Variants in PSMB6 observed in about 807,000 individuals in gnomAD.
PSMB6 encodes proteasome subunit beta type-6.
PSMB6 carries 11 observed loss-of-function variants against 28.2 expected under a neutral mutation model. The ratio of observed to expected loss-of-function variants is 0.39; its 90% CI spans 0.25 to 0.65. PSMB6 has a LOEUF of 0.65. Among genes scored for constraint, PSMB6 ranks in the 30% least tolerant of loss-of-function variants. The probability of loss-of-function intolerance (pLI) is 0.48; values close to 1 mark genes in which losing one functional copy is unlikely to be tolerated. For synonymous variants in PSMB6, 126 were observed against 117.7 expected (o/e 1.07, Z -0.45); for missense variants, 268 against 319.4 (o/e 0.84, Z 1.23).
Position 4,796,296 on chromosome 17 carries a change from G to T in PSMB6, c.102G>T (p.Gly34=). 6.4e-7 allele frequency: 1 copy of T among 1,567,630 alleles called. No homozygotes were observed. The highest frequency in any genetic ancestry group is 8.7e-7 in the Non-Finnish European group (1 of 1,155,248). The change falls in exon 1 of 6, where the codon GGG becomes GGT. Residue 34 remains glycine, a splice_region_variant and synonymous_variant. Transcript: ENST00000270586. ...GGGAAAGCCGAGAAGTTTCCACTGG[G>T]GTGAGGAAGGAATCGGGGTTCATAG... ...PDWESREVST[G]TTIMAVQFDG...
In PSMB6 at chr17:4,798,107, C is replaced by T. The variant is rs7468; in HGVS notation, c.531C>T (p.Tyr177=). The T allele has an allele frequency of 0.043, 69,741 of 1,614,108 alleles. 1,846 individuals are homozygous for T. Among genetic ancestry groups the T allele is most frequent in the East Asian group, 0.13 (6,000 of 44,884 alleles). The change falls in exon 5 of 6, where the codon TAC becomes TAT. Residue 177 remains tyrosine, a synonymous_variant. Transcript: ENST00000270586. ...TCTATGGCTATGTTGATGCTACCTACCGGGAAGGCATGACCAAGGAAGAGT... is the reference window on the plus strand; with the variant it reads ...TCTATGGCTATGTTGATGCTACCTATCGGGAAGGCATGACCAAGGAAGAGT... ...SYIYGYVDAT[Y]REGMTKEECL... is the part of the protein sequence containing the mutation.
rs748488740 is a variant in PSMB6, at chr17:4,798,152, T to C, written c.576T>C (p.Asn192=). The C allele has an allele frequency of 1.9e-6, 3 of 1,614,238 alleles. No homozygotes were observed. Among genetic ancestry groups the C allele is most frequent in the Non-Finnish European group, 2.5e-6 (3 of 1,180,034 alleles). ...AAGAGTGTCTGCAATTCACTGCCAA[T>C]GGTGAGAGCTTAGGCTTCTGGGCCT... ...TKEECLQFTA[N]ALALAMERDG... The change falls in exon 5 of 6, where the codon AAT becomes AAC. Residue 192 remains asparagine (N), a splice_region_variant and synonymous_variant. Coordinates refer to ENST00000270586, the MANE Select transcript of PSMB6 (RefSeq NM_002798.3).
At position 4,796,807 on chromosome 17, in the gene PSMB6, A is replaced by T. The variant is rs1905343937; in HGVS notation, c.170+12A>T. 6 of 1,583,546 alleles carry T rather than the reference A, an allele frequency of 3.8e-6. No individual in the cohort carries two copies. The highest frequency in any genetic ancestry group is 4.3e-6 in the Non-Finnish European group (5 of 1,152,550). ...AGAACAACCACTGGGTGAGCTCAGG[A>T]CAGATTTGTGAAAGGTCTTCCCATC... On this transcript the variant is annotated intron_variant, in intron 2 of 5. Transcript: ENST00000270586.
In PSMB6 at chr17:4,796,807, A is replaced by G; in HGVS notation, c.170+12A>G. The stretch of plus-strand genomic sequence containing the variant: ...AGAACAACCACTGGGTGAGCTCAGG[A>G]CAGATTTGTGAAAGGTCTTCCCATC... On this transcript the variant is annotated intron_variant, in intron 2 of 5. Coordinates refer to ENST00000270586, the MANE Select transcript of PSMB6 (RefSeq NM_002798.3). 6.3e-7 allele frequency: 1 copy of G among 1,583,662 alleles called. No homozygotes were observed. The highest frequency in any genetic ancestry group is 8.7e-7 in the Non-Finnish European group (1 of 1,152,542).
chr17:4,796,256 C>CA lies in PSMB6; in HGVS notation c.62_63insA (p.Phe22ValfsTer22), dbSNP rs1170484304. 1 of 1,590,674 alleles carries CA rather than the reference C, an allele frequency of 6.3e-7. No individual in the cohort carries two copies. The highest frequency in any genetic ancestry group is 8.6e-7 in the Non-Finnish European group (1 of 1,168,868). ...CCAGCACCGGCTTGGGGGCCGGAGG[C>CA]GTTCACTCCAGACTGGGAAAGCCGA... On this transcript the variant is annotated frameshift_variant, in exon 1 of 6. Transcript: ENST00000270586. LOFTEE classifies it high-confidence loss of function.
Position 4,796,257 on chromosome 17 carries a change from G to T in PSMB6, c.63G>T (p.Ala21=), listed in dbSNP as rs3169950. ...AGPAPAWGPE[A]FTPDWESREV... is the part of the protein sequence containing the mutation. Reference sequence around the variant, plus strand: ...CAGCACCGGCTTGGGGGCCGGAGGCGTTCACTCCAGACTGGGAAAGCCGAG... The same window carrying T: ...CAGCACCGGCTTGGGGGCCGGAGGCTTTCACTCCAGACTGGGAAAGCCGAG... The change falls in exon 1 of 6, where the codon GCG becomes GCT. Residue 21 remains alanine, a synonymous_variant. Coordinates refer to ENST00000270586, the MANE Select transcript of PSMB6 (RefSeq NM_002798.3). The T allele has an allele frequency of 1.3e-6, 2 of 1,586,490 alleles. No homozygotes were observed. The highest frequency in any genetic ancestry group is 8.6e-7 in the Non-Finnish European group (1 of 1,166,424).
chr17:4,796,860 C>T (rs951734711), intron 2 of PSMB6, 65 bp downstream of exon 2: 11 of 1,378,354 alleles, frequency 8.0e-6, no homozygotes, highest in Admixed American at 6.9e-5. Context: ...CCTGCCAGCC[C>T]ACCCTGCCTG....
At position 4,796,808 on chromosome 17, in the gene PSMB6, C is replaced by T; in HGVS notation, c.170+13C>T. ...GAACAACCACTGGGTGAGCTCAGGA[C>T]AGATTTGTGAAAGGTCTTCCCATCT... On this transcript the variant is annotated intron_variant, in intron 2 of 5. Transcript: ENST00000270586. 1 of 1,581,142 alleles carries T rather than the reference C, an allele frequency of 6.3e-7. No individual in the cohort carries two copies. Among genetic ancestry groups the T allele is most frequent in the Non-Finnish European group, 8.7e-7 (1 of 1,150,308 alleles).
At chr17:4,797,907 C>A in intron 4 of PSMB6, 96 bp downstream of exon 4, 1 of 1,603,120 alleles carries the variant, frequency 6.2e-7, no homozygotes, top group Non-Finnish European at 8.5e-7. Context: ...CTCACTTATT[C>A]TTACTATTAA....
rs368643627 is a variant in PSMB6, at chr17:4,797,590, G to A, written c.302+21G>A. On this transcript the variant is annotated intron_variant, in intron 3 of 5. Coordinates refer to ENST00000270586, the MANE Select transcript of PSMB6 (RefSeq NM_002798.3). Reference sequence around the variant, plus strand: ...CACAGGTGCTTGTGGGCAGGGGAGGGGCAAGTATCTGAAGGGAGTTGGAAG... The same window carrying A: ...CACAGGTGCTTGTGGGCAGGGGAGGAGCAAGTATCTGAAGGGAGTTGGAAG... 6 of 1,593,288 alleles carry A rather than the reference G, an allele frequency of 3.8e-6. No homozygotes were observed. The African/African-American group carries it at 8.1e-5, about 21-fold the overall frequency.
chr17:4,797,865 C>T (rs1905388892), intron 4 of PSMB6, 54 bp downstream of exon 4: 1 of 1,608,458 alleles, frequency 6.2e-7, no homozygotes, highest in African/African-American at 1.3e-5. Flanking sequence ...TATCCTCTCC[C>T]CAGCCATTTT....
intron 1 of PSMB6, 25 bp downstream of exon 1, chr17:4,796,321 G>A: frequency 6.5e-7 from 1 of 1,534,620 alleles, no homozygotes; most frequent in Non-Finnish European, 8.8e-7. Flanking sequence ...GGGGTTCATA[G>A]GACGTGCACA....
chr17:4,798,069 G>A lies in PSMB6; in HGVS notation c.493G>A (p.Gly165Arg), dbSNP rs1905399705. 2 of 1,614,080 alleles carry A rather than the reference G, an allele frequency of 1.2e-6. No homozygotes were observed. Among genetic ancestry groups the A allele is most frequent in the Non-Finnish European group, 1.7e-6 (2 of 1,180,016 alleles). Reference protein sequence around the residue: ...VRQSFAIGGSGSSYIYGYVDA... With the variant: ...VRQSFAIGGSRSSYIYGYVDA... ...GCAGTCCTTTGCCATTGGAGGCTCC[G>A]GGAGCTCCTACATCTATGGCTATGT... is the stretch of plus-strand genomic sequence containing the variant. Residue 165 changes from glycine to arginine, a missense_variant, in exon 5 of 6, where the codon GGG becomes AGG. Gly to Arg is a moderately radical substitution (Grantham distance 125). Coordinates refer to ENST00000270586, the MANE Select transcript of PSMB6 (RefSeq NM_002798.3).
rs780266728 is a variant in PSMB6 at position 4,796,731 on chromosome 17, A to G, written c.106A>G (p.Thr36Ala). The G allele has an allele frequency of 1.8e-5, 29 of 1,603,478 alleles. No homozygotes were observed. Among genetic ancestry groups the G allele is most frequent in the Non-Finnish European group, 2.5e-5 (29 of 1,170,488 alleles). Reference protein sequence around the residue: ...WESREVSTGTTIMAVQFDGGV... With the variant: ...WESREVSTGTAIMAVQFDGGV... The stretch of plus-strand genomic sequence containing the variant: ...ACTCCTTTTTCCCTTTTCCCAGACC[A>G]CTATCATGGCCGTGCAGTTTGACGG... Residue 36 changes from threonine (T) to alanine (A), a missense_variant, in exon 2 of 6, where the codon ACT becomes GCT. Transcript: ENST00000270586.
rs1433999842 is a variant in PSMB6, at chr17:4,796,269, C to A, written c.75C>A (p.Asp25Glu). ...GGGGGCCGGAGGCGTTCACTCCAGA[C>A]TGGGAAAGCCGAGAAGTTTCCACTG... is the stretch of plus-strand genomic sequence containing the variant. The part of the protein sequence containing the change: ...PAWGPEAFTP[D>E]WESREVSTGT... Residue 25 changes from aspartate to glutamate, a missense_variant, in exon 1 of 6, where the codon GAC becomes GAA. Coordinates refer to ENST00000270586, the MANE Select transcript of PSMB6 (RefSeq NM_002798.3). 8 of 1,585,076 alleles carry A rather than the reference C, an allele frequency of 5.0e-6. No homozygotes were observed. The highest frequency in any genetic ancestry group is 6.9e-6 in the Non-Finnish European group (8 of 1,165,434).
At chr17:4,797,924 T>C in intron 4 of PSMB6, 85 bp from the exon 5 acceptor site, 3 of 1,604,052 alleles carry the variant, frequency 1.9e-6, no homozygotes, top group Admixed American at 1.7e-5. Flanking sequence ...TTAACGTGCC[T>C]CAGACCAATA....
intron 1 of PSMB6, 85 bp downstream of exon 1, chr17:4,796,381 G>A: frequency 1.8e-6 from 2 of 1,129,568 alleles, no homozygotes; most frequent in Non-Finnish European, 2.6e-6. Context: ...GAGAGATCTG[G>A]CAGGGGTGGA....
intron 1 of PSMB6, 34 bp downstream of exon 1, chr17:4,796,330 C>A: frequency 6.7e-7 from 1 of 1,483,772 alleles, no homozygotes; most frequent in Non-Finnish European, 9.2e-7. Flanking sequence ...AGGACGTGCA[C>A]AAGGCCTGAC....
At chr17:4,797,919 G>T (rs753796810) in intron 4 of PSMB6, 90 bp from the exon 5 acceptor site, 1 of 1,602,184 alleles carries the variant, frequency 6.2e-7, no homozygotes, top group Non-Finnish European at 8.5e-7. Flanking sequence ...TACTATTAAC[G>T]TGCCTCAGAC....
Sources: allele counts gnomAD v4.1 joint callset, GRCh38; gene constraint gnomAD v4.1.1; transcripts MANE v1.5; gene names NCBI Gene and HGNC (gene_info 2026-07-23, HGNC 2026-07-21).